ANAPC1: variants seen among roughly 807,000 people sequenced by gnomAD.
ANAPC1 encodes the protein anaphase-promoting complex subunit 1.
In ANAPC1, 36 loss-of-function variants were observed where a neutral mutation model predicts 208.0. The observed-to-expected ratio is 0.17, with a 90% confidence interval of 0.13 to 0.23. ANAPC1 has a LOEUF of 0.23. ANAPC1 is among the 10% of genes least tolerant of loss of function. ANAPC1 has a pLI of 1.00. For synonymous variants in ANAPC1, 378 were observed against 695.2 expected, an observed-to-expected ratio of 0.54 and a Z score of 7.18; for missense variants, 942 against 2,011.6, an observed-to-expected ratio of 0.47 and a Z score of 10.17.
At chr2:111,820,741 T>C (rs1355087650) in intron 26 of ANAPC1, among the ~76,000 whole-genome samples, 1 of 146,204 alleles carries the variant, frequency 6.8e-6, no homozygotes, top group Non-Finnish European at 1.5e-5. Flanking sequence ...TCAAGGGATG[T>C]ATCCTGTGCA....
At chr2:111,782,257 A>G in intron 43 of ANAPC1, 112 bp downstream of exon 43, 2 of 1,125,970 alleles carry the variant, frequency 1.8e-6, no homozygotes, top group Non-Finnish European at 1.2e-6. Context: ...AGTCTTTACA[A>G]TCTGCAACAA....
chr2:111,784,201 G>A (rs1031091296), intron 41 of ANAPC1, 122 bp downstream of exon 41: 3 of 1,415,516 alleles, frequency 2.1e-6, no homozygotes, highest in Admixed American at 3.5e-5. Context: ...TCCTCCTGCT[G>A]CAGCTTTCTT....
chr2:111,880,402 A>G (rs1317375044), intron 2 of ANAPC1: 4 of 1,040,226 alleles, frequency 3.8e-6, no homozygotes, highest in South Asian at 2.8e-5. Context: ...TAAAAAATAA[A>G]TAAAACCACA....
intron 24 of ANAPC1, among the ~76,000 whole-genome samples, chr2:111,823,379 A>T (rs1679653886): frequency 6.6e-6 from 1 of 152,124 alleles, no homozygotes; most frequent in East Asian, 1.9e-4. Flanking sequence ...CACTTTGGAA[A>T]ACAGTTGGTA....
At chr2:111,864,699 G>A in intron 8 of ANAPC1, 107 bp downstream of exon 8, 1 of 1,564,456 alleles carries the variant, frequency 6.4e-7, no homozygotes, top group South Asian at 1.1e-5. Flanking sequence ...CTGACCTCAA[G>A]TGATCCGCCT....
chr2:111,856,162 G>T (rs911666188), intron 13 of ANAPC1, among the ~76,000 whole-genome samples: 2 of 152,184 alleles, frequency 1.3e-5, no homozygotes, highest in African/African-American at 4.8e-5. Context: ...GTGAACCCGG[G>T]AGGCGGAGCT....
chr2:111,853,148 A>C (rs889515466), intron 13 of ANAPC1, among the ~76,000 whole-genome samples: 1 of 151,758 alleles, frequency 6.6e-6, no homozygotes, highest in Non-Finnish European at 1.5e-5. Context: ...TTTTTTTCCC[A>C]CTTTATAGAG....
intron 10 of ANAPC1, among the ~76,000 whole-genome samples, chr2:111,859,843 T>C (rs2104550560): frequency 6.6e-6 from 1 of 152,328 alleles, no homozygotes; most frequent in East Asian, 1.9e-4. Context: ...CCATCAATCA[T>C]TTCCTCTGTT....
chr2:111,852,158 C>T (rs565124323), intron 13 of ANAPC1, among the ~76,000 whole-genome samples: 3,137 of 149,178 alleles, frequency 0.021, 103 homozygotes, highest in African/African-American at 0.072. Context: ...CCTCATTAAT[C>T]ACCAAAAAGA....
At chr2:111,823,702 A>G (rs1180247683) in intron 24 of ANAPC1, among the ~76,000 whole-genome samples, 1 of 152,156 alleles carries the variant, frequency 6.6e-6, no homozygotes, top group Non-Finnish European at 1.5e-5. Context: ...ATTTACATCT[A>G]TATATTTTCA....
chr2:111,865,745 C>T (rs2104569504), intron 7 of ANAPC1: 1 of 157,236 alleles, frequency 6.4e-6, no homozygotes, highest in Admixed American at 6.5e-5. Flanking sequence ...AAATATTAGT[C>T]AAAAATATGA....
intron 39 of ANAPC1, among the ~76,000 whole-genome samples, chr2:111,785,731 A>T (rs1677512790): frequency 6.6e-6 from 1 of 152,162 alleles, no homozygotes; most frequent in African/African-American, 2.4e-5. Flanking sequence ...ACAGGGAGGT[A>T]AAAAGTATCA....
At chr2:111,836,802 T>C (rs1680493571) in intron 18 of ANAPC1, among the ~76,000 whole-genome samples, 1 of 151,696 alleles carries the variant, frequency 6.6e-6, no homozygotes, top group South Asian at 2.1e-4. Context: ...ATCCAGTCTC[T>C]ACTAAAAATA....
Position 111,856,892 on chromosome 2 carries a change from T to C in ANAPC1, c.1359-6A>G, listed in dbSNP as rs1558726433. 6.2e-7 allele frequency: 1 copy of C among 1,609,408 alleles called. No individual in the cohort carries two copies. On this transcript the variant is annotated splice_polypyrimidine_tract_variant and splice_region_variant and intron_variant, in intron 11 of 47. Coordinates refer to ENST00000341068, the MANE Select transcript of ANAPC1 (RefSeq NM_022662.4). Reference sequence around the variant, plus strand: ...TCTCTTGAAACTTTACACAGCTAAATAATAAAATAAAAAAGAAACTTGATA... The same window carrying C: ...TCTCTTGAAACTTTACACAGCTAAACAATAAAATAAAAAAGAAACTTGATA...
At position 111,815,130 on chromosome 2, in the gene ANAPC1, C is replaced by T. The variant is rs1479552529; in HGVS notation, c.3597+240G>A. ...CTTTCTTGTCACTCATTAAATTCTA[C>T]TCTGCCTTACTCAAGGAAAAAAAAA... On this transcript the variant is annotated intron_variant, in intron 28 of 47. Coordinates refer to ENST00000341068, the MANE Select transcript of ANAPC1 (RefSeq NM_022662.4). Among the ~76,000 whole-genome samples the T allele has an allele frequency of 4.9e-5, 7 of 141,570 alleles. No individual in the cohort carries two copies. The South Asian group carries it at 1.4e-3, about 28-fold the overall frequency. The allele number at this position is 141,570 out of a possible 152,430, so 92.9% of individuals were successfully genotyped here.
chr2:111,853,081 C>T (rs1227424009), intron 13 of ANAPC1, among the ~76,000 whole-genome samples: 7 of 152,172 alleles, frequency 4.6e-5, no homozygotes, highest in African/African-American at 1.4e-4. Context: ...ATAAAATACT[C>T]AAGGGTGCCT....
chr2:111,804,003 ATAT>A (rs1259369559), intron 30 of ANAPC1, among the ~76,000 whole-genome samples, 164 bp from the exon 31 acceptor site: 1 of 148,404 alleles, frequency 6.7e-6, no homozygotes. Flanking sequence ...GAGTTAATAA[ATAT>A]TAATAATTCT....
chr2:111,845,653 T>A, intron 16 of ANAPC1, among the ~76,000 whole-genome samples: 1 of 152,204 alleles, frequency 6.6e-6, no homozygotes, highest in Non-Finnish European at 1.5e-5. Context: ...CTTATAATAG[T>A]TCGAGGTACC....
At chr2:111,833,137 T>C (rs1303356236) in intron 20 of ANAPC1, 83 bp downstream of exon 20, 5 of 1,477,904 alleles carry the variant, frequency 3.4e-6, no homozygotes, top group African/African-American at 2.8e-5. Context: ...TGGTAAGAAA[T>C]ACATCCTCTG....
Sources: allele counts gnomAD v4.1 joint callset (sites outside exome capture counted in the v4.1 genomes callset), GRCh38; gene constraint gnomAD v4.1.1; transcripts MANE v1.5; gene names NCBI Gene and HGNC (gene_info 2026-07-23, HGNC 2026-07-21).